CEP15: variants seen among roughly 807,000 people sequenced by gnomAD.
CEP15 encodes centrosomal protein 15 kDa.
At chr3:62,323,668 A>G in the CEP15 span, among the ~76,000 whole-genome samples, 6 of 152,238 alleles carry the variant, frequency 3.9e-5, no homozygotes, top group African/African-American at 9.6e-5. Flanking sequence ...AACAGTGTTC[A>G]GAAGGGTAGC....
chr3:62,330,997 G>A, the CEP15 span, among the ~76,000 whole-genome samples: 1 of 151,992 alleles, frequency 6.6e-6, no homozygotes, highest in Non-Finnish European at 1.5e-5. Flanking sequence ...TTTTAGTGAT[G>A]TAAGAGCTAA....
chr3:62,330,527 T>A, the CEP15 span, among the ~76,000 whole-genome samples: 4 of 152,306 alleles, frequency 2.6e-5, no homozygotes, highest in South Asian at 8.3e-4. Flanking sequence ...TTCATGTATA[T>A]ATCAAGATAA....
the CEP15 span, among the ~76,000 whole-genome samples, chr3:62,332,027 A>G: frequency 1.4e-4 from 21 of 152,302 alleles, no homozygotes; most frequent in African/African-American, 5.1e-4. Context: ...TAGACTCAAA[A>G]TTAGAGGCTG....
chr3:62,321,917 GT>G, the CEP15 span: 19 of 1,558,328 alleles, frequency 1.2e-5, no homozygotes, highest in South Asian at 1.6e-4. The surrounding 1 kb of genome is among the most constrained non-coding windows in gnomAD (Gnocchi z 4.1). Context: ...TATAATCTTC[GT>G]TTTTTTTCTA....
chr3:62,320,179 G>C, the CEP15 span, among the ~76,000 whole-genome samples: 54 of 152,292 alleles, frequency 3.5e-4, 1 homozygote, highest in African/African-American at 1.3e-3. Flanking sequence ...CTTAGTACCA[G>C]CTGCTTGTTT....
chr3:62,333,998 G>C, the CEP15 span: 1 of 151,938 alleles, frequency 6.6e-6, no homozygotes, highest in African/African-American at 2.4e-5. This position sits in a 1 kb window ranked among gnomAD's most constrained non-coding sequence, Gnocchi z 4.0. Flanking sequence ...ACTCAGACTT[G>C]GTTTTGAAAA....
At chr3:62,320,440 G>A in the CEP15 span, 3 of 1,595,340 alleles carry the variant, frequency 1.9e-6, no homozygotes, top group Admixed American at 3.4e-5. Context: ...AACTTTAAAT[G>A]TTTTTATTCT....
chr3:62,331,438 T>TATC, the CEP15 span: 1 of 1,496,246 alleles, frequency 6.7e-7, no homozygotes, highest in African/African-American at 1.4e-5. Context: ...AGAGAGACCC[T>TATC]ATCTATCTAT....
the CEP15 span, among the ~76,000 whole-genome samples, chr3:62,326,197 A>T: frequency 6.6e-6 from 1 of 152,118 alleles, no homozygotes; most frequent in Non-Finnish European, 1.5e-5. Context: ...TTGGCAGTTA[A>T]ACAGAGACTT....
chr3:62,331,442 T>G, the CEP15 span: 1 of 1,467,288 alleles, frequency 6.8e-7, no homozygotes. Context: ...AGACCCTATC[T>G]ATCTATCAGT....
At chr3:62,320,425 G>A in the CEP15 span, 3 of 1,499,524 alleles carry the variant, frequency 2.0e-6, no homozygotes, top group Non-Finnish European at 2.8e-6. Flanking sequence ...ACATGTGGTA[G>A]AAGTAACTTT....
chr3:62,335,051 T>C, the CEP15 span: 1 of 152,136 alleles, frequency 6.6e-6, no homozygotes, highest in East Asian at 1.9e-4. Flanking sequence ...GGTAAAATAT[T>C]GTGTCAAGCG....
chr3:62,323,428 C>T, the CEP15 span, among the ~76,000 whole-genome samples: 22 of 152,124 alleles, frequency 1.4e-4, no homozygotes, highest in Non-Finnish European at 1.5e-4. Flanking sequence ...AGAAGACTGA[C>T]CTTGTTAATG....
chr3:62,332,933 A>AC, the CEP15 span, among the ~76,000 whole-genome samples: 1 of 152,112 alleles, frequency 6.6e-6, no homozygotes, highest in African/African-American at 2.4e-5. Flanking sequence ...TGATTATATC[A>AC]CCATAAATGA....
the CEP15 span, chr3:62,321,790 A>T: frequency 3.4e-6 from 2 of 580,678 alleles, no homozygotes; most frequent in Non-Finnish European, 5.9e-6. The surrounding 1 kb of genome is among the most constrained non-coding windows in gnomAD (Gnocchi z 4.1). Context: ...CTGTCTTATT[A>T]GTCGACATAG....
the CEP15 span, chr3:62,333,899 G>C: frequency 6.6e-6 from 1 of 151,840 alleles, no homozygotes; most frequent in Non-Finnish European, 1.5e-5. The surrounding 1 kb of genome is among the most constrained non-coding windows in gnomAD (Gnocchi z 4.0). Context: ...ATAGGATTTT[G>C]TCCCTCACAG....
chr3:62,321,202 T>C, the CEP15 span, among the ~76,000 whole-genome samples: 6 of 152,142 alleles, frequency 3.9e-5, no homozygotes, highest in Non-Finnish European at 7.3e-5. This position sits in a 1 kb window ranked among gnomAD's most constrained non-coding sequence, Gnocchi z 4.1. Context: ...TTTAATCATC[T>C]TACATATTGT....
the CEP15 span, chr3:62,334,319 A>G: frequency 2.6e-5 from 4 of 152,062 alleles, no homozygotes; most frequent in African/African-American, 4.8e-5. This position sits in a 1 kb window ranked among gnomAD's most constrained non-coding sequence, Gnocchi z 4.9. Flanking sequence ...TACCTATGCT[A>G]TATTACAATG....
the CEP15 span, among the ~76,000 whole-genome samples, chr3:62,326,219 C>T: frequency 6.6e-6 from 1 of 152,082 alleles, no homozygotes; most frequent in Non-Finnish European, 1.5e-5. Context: ...AACAAACTGC[C>T]ATCCAAGATG....
Sources: gnomAD v4.1 joint callset for allele counts (sites outside exome capture counted in the v4.1 genomes callset) on GRCh38, gnomAD v4.1.1 for gene constraint, Gnocchi (gnomAD v3.1) non-coding constraint, MANE v1.5 for transcripts, NCBI Gene and HGNC (gene_info 2026-07-23, HGNC 2026-07-21) for gene names.